Variants in CCDC171 observed in about 807,000 individuals in gnomAD.
CCDC171 encodes the protein coiled-coil domain-containing protein 171.
CCDC171 carries 177 observed loss-of-function variants against 168.2 expected under a neutral mutation model. That is an observed-to-expected ratio of 1.05 (90% CI 0.93 to 1.19). The LOEUF is 1.19. Among genes scored for constraint, CCDC171 ranks in the 50% most tolerant of loss-of-function variants. The pLI is 0.00. For synonymous variants in CCDC171, 687 were observed against 540.8 expected (o/e 1.27, Z -3.75); for missense variants, 1,991 against 1,539.0 (o/e 1.29, Z -4.91).
intron 23 of CCDC171, among the ~76,000 whole-genome samples, chr9:15,859,841 T>G (rs1247306445): frequency 6.6e-6 from 1 of 151,666 alleles, no homozygotes; most frequent in Non-Finnish European, 1.5e-5. Flanking sequence ...TAAATTATTA[T>G]TATTTTTTGA....
chr9:15,638,417 C>G (rs780224198), intron 7 of CCDC171, among the ~76,000 whole-genome samples: 1 of 151,862 alleles, frequency 6.6e-6, no homozygotes, highest in Admixed American at 6.6e-5. Flanking sequence ...ACCAGTAATA[C>G]TAGGTACTTA....
chr9:15,579,543 G>C (rs57201285), intron 4 of CCDC171, among the ~76,000 whole-genome samples: 4,306 of 152,174 alleles, frequency 0.028, 195 homozygotes, highest in African/African-American at 0.099. Flanking sequence ...CTTAAATAAA[G>C]CCTTTCTATT....
chr9:15,804,462 C>G (rs1179076799), intron 21 of CCDC171, among the ~76,000 whole-genome samples: 1 of 147,826 alleles, frequency 6.8e-6, no homozygotes, highest in Non-Finnish European at 1.5e-5. Flanking sequence ...TATCGAAGGC[C>G]TTTTTTTTTT....
Position 15,820,141 on chromosome 9 carries a change from A to G in CCDC171, c.3268-26561A>G, listed in dbSNP as rs1414928783. On this transcript the variant is annotated intron_variant, in intron 21 of 25. Coordinates refer to ENST00000380701, the MANE Select transcript of CCDC171 (RefSeq NM_173550.4). ...GAAATAAAGGTGTTCTTTGAGACCAATGAGAACAAAGACACAACATACCAG... is the reference window on the plus strand; with the variant it reads ...GAAATAAAGGTGTTCTTTGAGACCAGTGAGAACAAAGACACAACATACCAG... Among the ~76,000 whole-genome samples the G allele has an allele frequency of 5.1e-5, 6 of 117,904 alleles. 1 individual carries two copies. Among genetic ancestry groups the G allele is most frequent in the African/African-American group, 1.6e-4 (5 of 31,320 alleles). 77.3% of individuals were successfully genotyped at this position (117,904 alleles called of 152,430 possible).
At chr9:15,673,359 A>T (rs1587878372) in intron 9 of CCDC171, among the ~76,000 whole-genome samples, 1 of 152,140 alleles carries the variant, frequency 6.6e-6, no homozygotes, top group African/African-American at 2.4e-5. Context: ...CTCTTGCGTG[A>T]TTGCCCTGGC....
At chr9:16,083,275 C>G in the CCDC171 span, among the ~76,000 whole-genome samples, 2 of 152,110 alleles carry the variant, frequency 1.3e-5, no homozygotes, top group African/African-American at 4.8e-5. Context: ...ACACTGTTAT[C>G]CCTGCCTTAT....
intron 11 of CCDC171, among the ~76,000 whole-genome samples, chr9:15,718,327 A>C (rs771838078): frequency 6.6e-6 from 1 of 151,872 alleles, no homozygotes; most frequent in Non-Finnish European, 1.5e-5. Context: ...TACCAGGTAG[A>C]TTCCTAAGGT....
chr9:15,705,857 A>T (rs1231600550), intron 11 of CCDC171, among the ~76,000 whole-genome samples: 1 of 152,244 alleles, frequency 6.6e-6, no homozygotes, highest in East Asian at 1.9e-4. Context: ...TTTGTCGAAT[A>T]TGAATAAAAA....
At chr9:15,788,485 T>G (rs1425885804) in intron 21 of CCDC171, among the ~76,000 whole-genome samples, 1 of 101,302 alleles carries the variant, frequency 9.9e-6, no homozygotes, top group African/African-American at 3.7e-5. Flanking sequence ...AGATCATGAG[T>G]AGAAGATATG....
downstream of CCDC171, among the ~76,000 whole-genome samples, chr9:16,063,468 T>C (rs1369116362): frequency 6.6e-6 from 1 of 152,234 alleles, no homozygotes; most frequent in Non-Finnish European, 1.5e-5. Context: ...TGCAATTCAC[T>C]GTCTTCATTT....
At chr9:15,594,308 T>A (rs2042188248) in intron 6 of CCDC171, 136 bp downstream of exon 6, 1 of 573,966 alleles carries the variant, frequency 1.7e-6, no homozygotes, top group Non-Finnish European at 3.0e-6. Context: ...ACATTTCATT[T>A]GCTGTTACAT....
At chr9:15,756,704 C>G (rs1005862970) in intron 18 of CCDC171, among the ~76,000 whole-genome samples, 2 of 152,224 alleles carry the variant, frequency 1.3e-5, no homozygotes, top group Non-Finnish European at 2.9e-5. Flanking sequence ...TATGTCCCCA[C>G]CCAAATCTCA....
chr9:16,058,158 G>T (rs1833872700), intron 1 of CCDC171, among the ~76,000 whole-genome samples: 1 of 152,022 alleles, frequency 6.6e-6, no homozygotes, highest in Non-Finnish European at 1.5e-5. Context: ...TCTTGTCCAA[G>T]ACCGATCTCT....
At chr9:15,908,146 C>T (rs2131773034) in intron 24 of CCDC171, among the ~76,000 whole-genome samples, 1 of 151,816 alleles carries the variant, frequency 6.6e-6, no homozygotes, top group Non-Finnish European at 1.5e-5. Flanking sequence ...CCAGCCATCC[C>T]ATTACTGGGT....
intron 19 of CCDC171, 133 bp downstream of exon 19, chr9:15,777,959 T>C: frequency 1.6e-6 from 1 of 611,236 alleles, no homozygotes. Flanking sequence ...TGTAAAATTT[T>C]AATACACTAA....
chr9:16,102,983 C>A, the CCDC171 span, among the ~76,000 whole-genome samples: 1 of 152,204 alleles, frequency 6.6e-6, no homozygotes, highest in African/African-American at 2.4e-5. Context: ...TGCTAACTTT[C>A]GGATTGAGCA....
intron 21 of CCDC171, among the ~76,000 whole-genome samples, chr9:15,810,077 G>A (rs145761785): frequency 6.6e-6 from 1 of 152,144 alleles, no homozygotes; most frequent in East Asian, 1.9e-4. Context: ...CACTAACCCC[G>A]AGCTAGACAC....
chr9:15,864,124 C>T (rs149255357), intron 23 of CCDC171, among the ~76,000 whole-genome samples: 2,432 of 151,986 alleles, frequency 0.016, 76 homozygotes, highest in African/African-American at 0.055. Flanking sequence ...GTTAGCTTCT[C>T]GAGTTCTGAA....
upstream of CCDC171, among the ~76,000 whole-genome samples, chr9:16,042,102 C>CA (rs1159679687): frequency 6.6e-6 from 1 of 152,210 alleles, no homozygotes; most frequent in Non-Finnish European, 1.5e-5. Context: ...TTCCCAGACT[C>CA]AGTCAGCTAG....
Sources: allele counts gnomAD v4.1 joint callset (sites outside exome capture counted in the v4.1 genomes callset), GRCh38; gene constraint gnomAD v4.1.1; transcripts MANE v1.5; gene names NCBI Gene and HGNC (gene_info 2026-07-23, HGNC 2026-07-21).